TMEM117: variants seen among roughly 807,000 people sequenced by gnomAD.
The protein encoded by TMEM117 is transmembrane protein 117.
Under a neutral mutation model 52.4 loss-of-function variants are expected in TMEM117, and 27 were observed. That is an observed-to-expected ratio of 0.51 (90% CI 0.38 to 0.71). The LOEUF is 0.71. Ranked by LOEUF, TMEM117 falls within the 30% of genes least tolerant of loss-of-function variation. The pLI is 0.00. For synonymous variants in TMEM117, 215 were observed against 206.3 expected, an observed-to-expected ratio of 1.04 and a Z score of -0.36; for missense variants, 556 against 630.5, an observed-to-expected ratio of 0.88 and a Z score of 1.26.
the TMEM117 span, among the ~76,000 whole-genome samples, chr12:43,828,317 G>A: frequency 9.8e-5 from 15 of 152,316 alleles, no homozygotes; most frequent in Admixed American, 5.9e-4. Flanking sequence ...CTCTTTAATG[G>A]CATCCTAAAA....
chr12:44,133,391 C>T (rs917605932), intron 3 of TMEM117, among the ~76,000 whole-genome samples: 10 of 152,116 alleles, frequency 6.6e-5, no homozygotes, highest in African/African-American at 1.7e-4. Flanking sequence ...GTTCCAACAG[C>T]GCAAAGGAAA....
intron 7 of TMEM117, among the ~76,000 whole-genome samples, chr12:44,386,633 A>G (rs1952092166): frequency 2.6e-5 from 4 of 152,048 alleles, no homozygotes; most frequent in Admixed American, 2.0e-4. Flanking sequence ...GGCCCCTATT[A>G]TGTACCAGGC....
chr12:43,811,708 A>C, the TMEM117 span, among the ~76,000 whole-genome samples: 22 of 152,246 alleles, frequency 1.4e-4, no homozygotes, highest in Admixed American at 1.4e-3. Context: ...GATTGCAATT[A>C]GTGAGAATTT....
the TMEM117 span, chr12:43,806,277 T>C: frequency 1.1e-5 from 16 of 1,511,368 alleles, no homozygotes; most frequent in Non-Finnish European, 1.4e-5. Flanking sequence ...GCTCCGGCGC[T>C]GAGTGCAGCC....
At chr12:43,928,648 G>A (rs1013932196) in intron 2 of TMEM117, among the ~76,000 whole-genome samples, 2 of 151,488 alleles carry the variant, frequency 1.3e-5, no homozygotes, top group Non-Finnish European at 2.9e-5. Context: ...CAATGCGCAG[G>A]TTAGTTACAT....
In TMEM117 at chr12:44,021,108, C is replaced by T. The variant is rs201840292; in HGVS notation, c.410+76766C>T. The stretch of plus-strand genomic sequence containing the variant: ...GTTGAGAGATTTGTGTGTGTATATA[C>T]GTAAATAAACTTATTTTAGGATCGG... On this transcript the variant is annotated intron_variant, in intron 3 of 7. Transcript: ENST00000266534. 7.2e-5 allele frequency among the ~76,000 whole-genome samples: 11 copies of T among 152,082 alleles called. No homozygotes were observed. In the East Asian group the frequency reaches 1.2e-3, roughly 16 times the overall value.
intron 4 of TMEM117, among the ~76,000 whole-genome samples, chr12:44,168,634 T>C (rs1443608032): frequency 6.6e-6 from 1 of 152,224 alleles, no homozygotes. Flanking sequence ...GATTTTTTCA[T>C]GTTATTTTCT....
chr12:44,353,876 A>T lies in TMEM117; in HGVS notation c.769-22719A>T, dbSNP rs190741472. 2.2e-3 allele frequency among the ~76,000 whole-genome samples: 337 copies of T among 152,276 alleles called. 1 individual carries two copies. The highest frequency in any genetic ancestry group is 7.6e-3 in the African/African-American group (315 of 41,570). Reference sequence around the variant, plus strand: ...GATGGGGATGGCATTGAATCTATAAATTACCTTGGGCAGTATGCCCATTTT... The same window carrying T: ...GATGGGGATGGCATTGAATCTATAATTTACCTTGGGCAGTATGCCCATTTT... On this transcript the variant is annotated intron_variant, in intron 6 of 7. Coordinates refer to ENST00000266534, the MANE Select transcript of TMEM117 (RefSeq NM_032256.3).
At chr12:44,249,369 G>A (rs1394422616) in intron 5 of TMEM117, among the ~76,000 whole-genome samples, 1 of 151,982 alleles carries the variant, frequency 6.6e-6, no homozygotes, top group Non-Finnish European at 1.5e-5. Flanking sequence ...TTTTGAGAGG[G>A]TTCCATGGAT....
chr12:43,823,509 CTTTA>C, the TMEM117 span, among the ~76,000 whole-genome samples: 4 of 151,788 alleles, frequency 2.6e-5, no homozygotes, highest in Non-Finnish European at 5.9e-5. Context: ...ATTTTTATTT[CTTTA>C]TTTATTTATT....
chr12:43,893,647 T>A (rs1944147966), intron 2 of TMEM117, among the ~76,000 whole-genome samples: 1 of 152,230 alleles, frequency 6.6e-6, no homozygotes, highest in Non-Finnish European at 1.5e-5. Flanking sequence ...ATCCAAATGT[T>A]ACCTGTTCTT....
intron 3 of TMEM117, among the ~76,000 whole-genome samples, chr12:44,097,056 A>G (rs545419538): frequency 4.8e-4 from 73 of 152,376 alleles, no homozygotes; most frequent in African/African-American, 7.5e-4. Context: ...TGGGCGAAGC[A>G]TATGAACAGA....
intron 4 of TMEM117, among the ~76,000 whole-genome samples, chr12:44,193,326 G>A (rs1473734576): frequency 2.0e-5 from 3 of 152,096 alleles, no homozygotes; most frequent in South Asian, 2.1e-4. Context: ...TAAAACAGAC[G>A]GATAAGTAAA....
chr12:44,014,130 G>T lies in TMEM117; in HGVS notation c.410+69788G>T, dbSNP rs1489270642. ...GGAAGCCGTATTCAGAAGTCCCCCT[G>T]TCCCCCACAGCACAAAAGCAATAGA... On this transcript the variant is annotated intron_variant, in intron 3 of 7. Transcript: ENST00000266534. Among the ~76,000 whole-genome samples the T allele has an allele frequency of 5.3e-5, 8 of 152,234 alleles. No individual in the cohort carries two copies. In the East Asian group the frequency reaches 1.5e-3, roughly 29 times the overall value.
intron 3 of TMEM117, among the ~76,000 whole-genome samples, chr12:44,084,927 C>T (rs944017375): frequency 2.6e-5 from 4 of 152,280 alleles, no homozygotes; most frequent in South Asian, 4.1e-4. Flanking sequence ...TTCCCTGAAA[C>T]GCTTGCTTCT....
At chr12:44,319,001 G>A (rs1376755782) in intron 6 of TMEM117, among the ~76,000 whole-genome samples, 5 of 152,188 alleles carry the variant, frequency 3.3e-5, no homozygotes, top group Admixed American at 2.0e-4. Flanking sequence ...CATTGCTCAA[G>A]AGAAACTGTC....
At chr12:44,122,723 G>A (rs1948257635) in intron 3 of TMEM117, among the ~76,000 whole-genome samples, 1 of 152,110 alleles carries the variant, frequency 6.6e-6, no homozygotes, top group Admixed American at 6.6e-5. Flanking sequence ...CTCCATCCAT[G>A]TCCCTGCAAA....
At chr12:43,916,325 G>A (rs75981654) in intron 2 of TMEM117, among the ~76,000 whole-genome samples, 3,385 of 152,192 alleles carry the variant, frequency 0.022, 132 homozygotes, top group East Asian at 0.22. Flanking sequence ...AGAAAATGTA[G>A]CAAAGTTCAA....
intron 5 of TMEM117, among the ~76,000 whole-genome samples, chr12:44,241,251 T>C (rs1035208944): frequency 1.3e-5 from 2 of 151,912 alleles, no homozygotes; most frequent in Non-Finnish European, 2.9e-5. Flanking sequence ...ATATTTTTGA[T>C]CTGATGTTAA....
Sources: gnomAD v4.1 joint callset for allele counts (sites outside exome capture counted in the v4.1 genomes callset) on GRCh38, gnomAD v4.1.1 for gene constraint, MANE v1.5 for transcripts, NCBI Gene and HGNC (gene_info 2026-07-23, HGNC 2026-07-21) for gene names.